PDE1A: variants seen among roughly 807,000 people sequenced by gnomAD.
PDE1A encodes the protein phosphodiesterase 1A.
In PDE1A, 35 loss-of-function variants were observed where a neutral mutation model predicts 61.7. The observed-to-expected ratio is 0.57, with a 90% CI of 0.43 to 0.75. The LOEUF (loss-of-function observed/expected upper bound fraction) is 0.75, where lower values mean the gene tolerates loss of function less well. PDE1A is among the 30% of genes least tolerant of loss of function. PDE1A has a pLI of 0.00. For synonymous variants in PDE1A, 232 were observed against 213.2 expected, an observed-to-expected ratio of 1.09 and a Z score of -0.77; for missense variants, 597 against 630.6, an observed-to-expected ratio of 0.95 and a Z score of 0.57.
intron 1 of PDE1A, among the ~76,000 whole-genome samples, chr2:182,338,821 C>T (rs372795859): frequency 8.5e-5 from 13 of 152,080 alleles, no homozygotes; most frequent in African/African-American, 2.7e-4. Context: ...TGTGCCCAGC[C>T]GGTTTTATTT....
the PDE1A span, among the ~76,000 whole-genome samples, chr2:182,650,868 T>C: frequency 6.6e-6 from 1 of 152,254 alleles, no homozygotes; most frequent in African/African-American, 2.4e-5. Flanking sequence ...GTAAGAATTC[T>C]AACCTTCTTG....
At chr2:182,562,467 T>G in the PDE1A span, among the ~76,000 whole-genome samples, 1 of 151,232 alleles carries the variant, frequency 6.6e-6, no homozygotes, top group East Asian at 1.9e-4. Context: ...CAGTATTTTA[T>G]TGAGGATTTT....
At chr2:182,690,556 A>C in the PDE1A span, among the ~76,000 whole-genome samples, 5 of 152,198 alleles carry the variant, frequency 3.3e-5, no homozygotes, top group Admixed American at 3.3e-4. Flanking sequence ...ATGTATGACA[A>C]ACCCACAGCC....
intron 12 of PDE1A, 71 bp downstream of exon 12, chr2:182,186,397 T>C: frequency 6.6e-7 from 1 of 1,520,774 alleles, no homozygotes; most frequent in Non-Finnish European, 9.0e-7. Context: ...ATGTGAGAAA[T>C]ATAATCATTA....
the PDE1A span, among the ~76,000 whole-genome samples, chr2:182,577,784 G>A: frequency 1.3e-5 from 2 of 152,146 alleles, no homozygotes; most frequent in African/African-American, 4.8e-5. Flanking sequence ...GCTAGGTGTG[G>A]TGGCCCGTGC....
chr2:182,617,151 C>T, the PDE1A span, among the ~76,000 whole-genome samples: 1 of 142,928 alleles, frequency 7.0e-6, no homozygotes, highest in Non-Finnish European at 1.5e-5. Flanking sequence ...ACACTAACAA[C>T]GTGATTTATG....
At chr2:182,223,706 T>C (rs370021650) in intron 7 of PDE1A, among the ~76,000 whole-genome samples, 158 bp downstream of exon 7, 2 of 152,006 alleles carry the variant, frequency 1.3e-5, no homozygotes, top group East Asian at 3.9e-4. Flanking sequence ...TAGTAGTTAA[T>C]TGATTCAATT....
chr2:182,218,957 T>G (rs1450055771), intron 7 of PDE1A, among the ~76,000 whole-genome samples: 1 of 152,118 alleles, frequency 6.6e-6, no homozygotes, highest in Non-Finnish European at 1.5e-5. Context: ...TAACGTCTTA[T>G]TCAGTCAGTG....
At chr2:182,317,096 C>T (rs1696386205) in intron 1 of PDE1A, among the ~76,000 whole-genome samples, 1 of 152,164 alleles carries the variant, frequency 6.6e-6, no homozygotes, top group Non-Finnish European at 1.5e-5. Flanking sequence ...CATCTTAATG[C>T]ACACACTTAA....
At chr2:182,656,206 C>A in the PDE1A span, among the ~76,000 whole-genome samples, 1 of 152,174 alleles carries the variant, frequency 6.6e-6, no homozygotes, top group African/African-American at 2.4e-5. Flanking sequence ...TCTCATCATT[C>A]CACTGAGCAC....
At chr2:182,562,224 G>A in the PDE1A span, among the ~76,000 whole-genome samples, 2 of 152,106 alleles carry the variant, frequency 1.3e-5, no homozygotes, top group Non-Finnish European at 2.9e-5. Flanking sequence ...GTTGAGATAC[G>A]TCTCATCAAT....
chr2:182,192,639 G>A (rs192486835), intron 10 of PDE1A, among the ~76,000 whole-genome samples: 266 of 152,148 alleles, frequency 1.7e-3, no homozygotes, highest in Middle Eastern at 3.4e-3. Flanking sequence ...TAGAGGTTTC[G>A]CTGTCATTTG....
the PDE1A span, among the ~76,000 whole-genome samples, chr2:182,668,378 C>A: frequency 3.9e-5 from 6 of 151,972 alleles, no homozygotes; most frequent in Non-Finnish European, 7.4e-5. Flanking sequence ...TATAAGCATA[C>A]CTCTGCAAGA....
chr2:182,531,318 G>A, the PDE1A span, among the ~76,000 whole-genome samples: 1 of 150,710 alleles, frequency 6.6e-6, no homozygotes, highest in East Asian at 1.9e-4. Context: ...TCTAAATGCT[G>A]GTCTATAAGA....
At chr2:182,598,570 A>G in the PDE1A span, among the ~76,000 whole-genome samples, 1 of 151,792 alleles carries the variant, frequency 6.6e-6, no homozygotes, top group Non-Finnish European at 1.5e-5. Context: ...CTCAAAAAAA[A>G]AAAAAACAAA....
the PDE1A span, among the ~76,000 whole-genome samples, chr2:182,662,367 T>A: frequency 7.0e-6 from 1 of 143,140 alleles, no homozygotes; most frequent in Non-Finnish European, 1.5e-5. Flanking sequence ...AAAAACTTTT[T>A]CCCGAATAGC....
At chr2:182,679,256 T>G in the PDE1A span, among the ~76,000 whole-genome samples, 1 of 150,916 alleles carries the variant, frequency 6.6e-6, no homozygotes, top group Non-Finnish European at 1.5e-5. Flanking sequence ...CAATCTCGGC[T>G]CACTGCAAGC....
chr2:182,264,256 G>A lies in PDE1A; in HGVS notation c.167+45C>T, dbSNP rs186456387. ...AGGGTCAAGAAAGAGGAAGAAAAAC[G>A]GGAGAGAATCAAAGAAGATAAAAGA... On this transcript the variant is annotated intron_variant, in intron 2 of 13. Coordinates refer to ENST00000351439, the Ensembl canonical transcript of PDE1A. 220 of 1,297,400 alleles carry A rather than the reference G, an allele frequency of 1.7e-4. 2 individuals are homozygous for A. Among genetic ancestry groups the A allele is most frequent in the Admixed American group, 3.9e-4 (21 of 53,556 alleles). The allele number at this position is 1,297,400 out of a possible 1,614,324, so 80.4% of individuals were successfully genotyped here. A position where few individuals can be genotyped will look rare whatever the true frequency, so the allele number is the denominator to read the frequency against.
chr2:182,372,603 G>A (rs866888815), intron 1 of PDE1A, among the ~76,000 whole-genome samples: 1 of 152,180 alleles, frequency 6.6e-6, no homozygotes, highest in South Asian at 2.1e-4. Context: ...GATAGGGACT[G>A]GAGAAACAAA....
Sources: allele counts gnomAD v4.1 joint callset (sites outside exome capture counted in the v4.1 genomes callset), GRCh38; gene constraint gnomAD v4.1.1; transcripts MANE v1.5; gene names NCBI Gene and HGNC (gene_info 2026-07-23, HGNC 2026-07-21).